Variants in CYP4X1 observed in about 807,000 individuals in gnomAD.
CYP4X1 encodes cytochrome P450 4X1.
Under a neutral mutation model 57.9 loss-of-function variants are expected in CYP4X1, and 44 were observed. That is an observed-to-expected ratio of 0.76 (90% CI 0.60 to 0.98). The LOEUF is 0.98. Ranked by LOEUF, CYP4X1 falls within the 50% of genes least tolerant of loss-of-function variation. CYP4X1 has a pLI of 0.00. For synonymous variants in CYP4X1, 227 were observed against 228.6 expected (o/e 0.99, Z 0.06); for missense variants, 532 against 623.9 (o/e 0.85, Z 1.57).
chr1:46,998,228 T>C, the CYP4X1 span, among the ~76,000 whole-genome samples: 1 of 152,106 alleles, frequency 6.6e-6, no homozygotes, highest in African/African-American at 2.4e-5. Context: ...CAGACTGGAG[T>C]GCAATGGTGT....
chr1:47,049,375 G>A (rs576705251), intron 10 of CYP4X1, 47 bp from the exon 11 acceptor site: 3 of 1,434,628 alleles, frequency 2.1e-6, no homozygotes, highest in Admixed American at 3.3e-5. Context: ...GAAGAAATGT[G>A]TTCATGTTGT....
chr1:46,994,791 G>A, the CYP4X1 span, among the ~76,000 whole-genome samples: 1 of 152,192 alleles, frequency 6.6e-6, no homozygotes, highest in African/African-American at 2.4e-5. Flanking sequence ...CCTACTATGT[G>A]CCAGGCAGTA....
intron 1 of CYP4X1, among the ~76,000 whole-genome samples, 181 bp downstream of exon 1, chr1:47,024,175 T>A (rs1348013268): frequency 2.6e-5 from 4 of 152,184 alleles, no homozygotes; most frequent in Non-Finnish European, 2.9e-5. Context: ...GAGAATTGCT[T>A]TCCCGCAGCC....
the CYP4X1 span, among the ~76,000 whole-genome samples, chr1:46,980,192 T>A: frequency 0.03 from 4,562 of 152,340 alleles, 104 homozygotes; most frequent in Middle Eastern, 0.071. Flanking sequence ...AAATTGTCCC[T>A]GTTTGCAGTT....
chr1:46,985,344 TA>T, the CYP4X1 span, among the ~76,000 whole-genome samples: 170 of 151,728 alleles, frequency 1.1e-3, no homozygotes, highest in African/African-American at 3.9e-3. Context: ...AATAAATAGA[TA>T]AAAAAGGCAG....
chr1:47,054,376 G>A (rs952180764), downstream of CYP4X1, among the ~76,000 whole-genome samples: 1 of 152,042 alleles, frequency 6.6e-6, no homozygotes, highest in African/African-American at 2.4e-5. Context: ...TTGTTCTTTT[G>A]GCTTAGGATT....
At chr1:47,006,464 G>C in the CYP4X1 span, among the ~76,000 whole-genome samples, 1 of 152,154 alleles carries the variant, frequency 6.6e-6, no homozygotes, top group Non-Finnish European at 1.5e-5. Context: ...AGCCAAGATG[G>C]CCGAATAGGA....
chr1:46,976,702 C>A, the CYP4X1 span, among the ~76,000 whole-genome samples: 1 of 152,218 alleles, frequency 6.6e-6, no homozygotes, highest in Non-Finnish European at 1.5e-5. Flanking sequence ...CACTAGGGGC[C>A]AACACACACC....
chr1:47,023,739 T>C lies in CYP4X1; in HGVS notation c.-79T>C. 2 of 1,531,038 alleles carry C rather than the reference T, an allele frequency of 1.3e-6. No homozygotes were observed. The highest frequency in any genetic ancestry group is 1.3e-5 in the South Asian group (1 of 78,300). The allele number at this position is 1,531,038 out of a possible 1,614,324, so 94.8% of individuals were successfully genotyped here. ...AGAGAGGCGGTGGGGTGGGCGACCC[T>C]ACGCCAGCTCCGGGCGGGAGAAAGC... On this transcript the variant is annotated 5_prime_UTR_variant, in exon 1 of 12. Transcript: ENST00000371901.
rs58369367 is a variant in CYP4X1 at position 47,036,370 on chromosome 1, T to TTATA, written c.775+212_775+215dup. ...AACCATAGCAGTATTATCAGAATTT[T>TTATA]TATATATATATATATACACTATTTT... On this transcript the variant is annotated intron_variant, in intron 6 of 11. Transcript: ENST00000371901. Among the ~76,000 whole-genome samples, 526 of 129,834 alleles carry TTATA rather than the reference T, an allele frequency of 4.1e-3. 14 individuals are homozygous for TTATA. Among genetic ancestry groups the TTATA allele is most frequent in the African/African-American group, 0.013 (469 of 35,846 alleles). The allele number at this position is 129,834 out of a possible 152,430, so 85.2% of individuals were successfully genotyped here. A position where few individuals can be genotyped will look rare whatever the true frequency, so the allele number is the denominator to read the frequency against.
chr1:47,050,164 C>G lies in CYP4X1; in HGVS notation c.1520C>G (p.Ser507Cys), dbSNP rs759555093. The change falls in exon 12 of 12, where the codon TCT (serine) becomes TGT (cysteine). Residue 507 changes from serine to cysteine, a missense_variant. Physicochemically the swap from Ser to Cys is moderately radical, Grantham distance 112 (BLOSUM62 -1). Transcript: ENST00000371901. ...NGMYLHLKKL[S>C]EC ...ATGTATTTGCACCTGAAGAAACTCT[C>G]TGAATGTTAGATCTCAGGGTACAAT... The G allele has an allele frequency of 6.2e-7, 1 of 1,613,704 alleles. No homozygotes were observed. Among genetic ancestry groups the G allele is most frequent in the African/African-American group, 1.3e-5 (1 of 74,856 alleles).
chr1:46,977,469 G>A, the CYP4X1 span, among the ~76,000 whole-genome samples: 3 of 152,040 alleles, frequency 2.0e-5, no homozygotes, highest in Admixed American at 6.5e-5. Flanking sequence ...AGAAATATGG[G>A]ACTATGTGAA....
intron 1 of CYP4X1, among the ~76,000 whole-genome samples, chr1:47,029,465 T>A (rs1644103282): frequency 6.6e-6 from 1 of 152,228 alleles, no homozygotes; most frequent in Non-Finnish European, 1.5e-5. Context: ...AATTTGGATT[T>A]TCTTTATAGA....
the CYP4X1 span, among the ~76,000 whole-genome samples, chr1:46,976,661 C>T: frequency 6.6e-6 from 1 of 152,172 alleles, no homozygotes; most frequent in Non-Finnish European, 1.5e-5. Context: ...GGGTCCCTGA[C>T]CCCACTGTAG....
chr1:46,969,771 C>T, the CYP4X1 span, among the ~76,000 whole-genome samples: 3 of 152,142 alleles, frequency 2.0e-5, no homozygotes, highest in African/African-American at 7.2e-5. Flanking sequence ...AAAGGCCTTT[C>T]CCCACAGTCA....
rs78128268 is a variant in CYP4X1, at chr1:47,041,475, C to A, written c.1073+1943C>A. 5.0e-3 allele frequency among the ~76,000 whole-genome samples: 756 copies of A among 152,208 alleles called. 14 individuals carry two copies. Among genetic ancestry groups the A allele is most frequent in the East Asian group, 0.047 (245 of 5,180 alleles). On this transcript the variant is annotated intron_variant, in intron 8 of 11. Transcript: ENST00000371901. Reference sequence around the variant, plus strand: ...ATTTGTCTTTTTGGTAATAACCATTCTAATGAGCATGAGGTGATGTCTCAT... The same window carrying A: ...ATTTGTCTTTTTGGTAATAACCATTATAATGAGCATGAGGTGATGTCTCAT...
the CYP4X1 span, among the ~76,000 whole-genome samples, chr1:47,009,161 G>A: frequency 6.6e-6 from 1 of 152,054 alleles, no homozygotes; most frequent in Admixed American, 6.6e-5. Flanking sequence ...TGACCACATA[G>A]TTGGCAGTAA....
upstream of CYP4X1, among the ~76,000 whole-genome samples, chr1:47,018,859 G>A (rs992105258): frequency 6.6e-6 from 1 of 152,138 alleles, no homozygotes; most frequent in African/African-American, 2.4e-5. Context: ...AATCCAAACT[G>A]TAGAAAATAC....
the CYP4X1 span, among the ~76,000 whole-genome samples, chr1:46,970,483 C>T: frequency 1.3e-4 from 20 of 152,204 alleles, no homozygotes; most frequent in African/African-American, 4.6e-4. Context: ...TCCCTACTCC[C>T]ATTACCATAC....
Sources: gnomAD v4.1 joint callset for allele counts (sites outside exome capture counted in the v4.1 genomes callset) on GRCh38, gnomAD v4.1.1 for gene constraint, MANE v1.5 for transcripts, NCBI Gene and HGNC (gene_info 2026-07-23, HGNC 2026-07-21) for gene names.